Variants in HERC3 observed in about 807,000 individuals in gnomAD.
The protein encoded by HERC3 is probable E3 ubiquitin-protein ligase HERC3.
Under a neutral mutation model 129.9 loss-of-function variants are expected in HERC3, and 58 were observed. That is an observed-to-expected ratio of 0.45 (90% CI 0.36 to 0.56). HERC3 has a LOEUF of 0.56. Ranked by LOEUF, HERC3 falls within the 20% of genes least tolerant of loss-of-function variation. The probability of loss-of-function intolerance (pLI) is 0.00; values close to 1 mark genes in which losing one functional copy is unlikely to be tolerated. For missense variants in HERC3, 835 were observed against 1,244.2 expected (o/e 0.67, Z 4.95); for synonymous variants, 430 against 451.0 (o/e 0.95, Z 0.59).
the HERC3 span, among the ~76,000 whole-genome samples, chr4:88,577,887 A>C: frequency 6.6e-6 from 1 of 152,140 alleles, no homozygotes; most frequent in African/African-American, 2.4e-5. Flanking sequence ...GCTTCAAATG[A>C]CTTTAGAGAT....
At chr4:88,621,314 C>T (rs1465898321) in intron 3 of HERC3, among the ~76,000 whole-genome samples, 1 of 152,154 alleles carries the variant, frequency 6.6e-6, no homozygotes, top group African/African-American at 2.4e-5. Flanking sequence ...GCCATGTTGG[C>T]CAGGCTGGTC....
At chr4:88,696,889 TCTTTA>T (rs1157774792) in intron 23 of HERC3, 1 of 287,612 alleles carries the variant, frequency 3.5e-6, no homozygotes, top group Non-Finnish European at 6.3e-6. Context: ...AAAGTGACGT[TCTTTA>T]CTTCGCATCT....
chr4:88,694,786 C>T (rs1734427510), intron 23 of HERC3, among the ~76,000 whole-genome samples: 1 of 152,134 alleles, frequency 6.6e-6, no homozygotes, highest in African/African-American at 2.4e-5. Context: ...AGGTCATACA[C>T]ATTTCTTATT....
Position 88,598,612 on chromosome 4 carries a change from A to G in HERC3, c.-30+2998A>G, listed in dbSNP as rs1489124259. Among the ~76,000 whole-genome samples the G allele has an allele frequency of 2.6e-5, 4 of 152,228 alleles. No homozygotes were observed. The East Asian group carries it at 7.7e-4, about 29-fold the overall frequency. ...AGCTGACATTTACTGGTCACTTACT[A>G]CTACATGCCAGGCACCATGCTAAGC... On this transcript the variant is annotated intron_variant, in intron 2 of 25. Transcript: ENST00000402738.
the HERC3 span, among the ~76,000 whole-genome samples, chr4:88,559,596 G>T: frequency 1.3e-4 from 20 of 152,234 alleles, no homozygotes; most frequent in African/African-American, 4.6e-4. Context: ...TCTCATCCAC[G>T]TTTTAACAAA....
At chr4:88,560,686 C>T in the HERC3 span, among the ~76,000 whole-genome samples, 1 of 152,074 alleles carries the variant, frequency 6.6e-6, no homozygotes, top group Non-Finnish European at 1.5e-5. Context: ...AGCTTTTTCT[C>T]TATGTTCTCA....
chr4:88,668,194 C>A, intron 14 of HERC3, 113 bp downstream of exon 14: 1 of 820,454 alleles, frequency 1.2e-6, no homozygotes, highest in Non-Finnish European at 2.0e-6. Flanking sequence ...ATTTAATATC[C>A]TTAACACTTA....
intron 20 of HERC3, 121 bp from the exon 21 acceptor site, chr4:88,681,038 A>G (rs1164297023): frequency 4.8e-6 from 7 of 1,451,880 alleles, no homozygotes; most frequent in Non-Finnish European, 6.3e-6. Flanking sequence ...ACAGAAGGTA[A>G]CTAAATATTA....
chr4:88,586,929 A>G, the HERC3 span, among the ~76,000 whole-genome samples: 2 of 152,342 alleles, frequency 1.3e-5, no homozygotes, highest in South Asian at 4.1e-4. Context: ...TAAAAATGCA[A>G]GCAATAAGAT....
chr4:88,656,060 T>C (rs765262466), intron 9 of HERC3, 25 bp downstream of exon 9: 2 of 1,610,450 alleles, frequency 1.2e-6, no homozygotes, highest in South Asian at 1.1e-5. Context: ...CTCTGGAATT[T>C]AAAGGTATTT....
chr4:88,676,120 A>G, intron 16 of HERC3, 98 bp from the exon 17 acceptor site: 2 of 873,136 alleles, frequency 2.3e-6, no homozygotes, highest in Non-Finnish European at 3.6e-6. Context: ...CAGTAGTCAG[A>G]TTGGTTCTGT....
the HERC3 span, among the ~76,000 whole-genome samples, chr4:88,567,625 G>A: frequency 6.6e-6 from 1 of 152,218 alleles, no homozygotes; most frequent in East Asian, 1.9e-4. Context: ...TCCAGAATTT[G>A]TGCTTAGGTT....
chr4:88,561,138 G>A, the HERC3 span, among the ~76,000 whole-genome samples: 1 of 152,040 alleles, frequency 6.6e-6, no homozygotes, highest in East Asian at 1.9e-4. Context: ...TTGGGATTTT[G>A]ATAGGGATTG....
chr4:88,633,111 C>T (rs531444700), intron 3 of HERC3, among the ~76,000 whole-genome samples: 1 of 152,288 alleles, frequency 6.6e-6, no homozygotes, highest in East Asian at 1.9e-4. Flanking sequence ...GAATTGTAAA[C>T]TTAGAATTCT....
intron 25 of HERC3, among the ~76,000 whole-genome samples, chr4:88,705,508 GTC>G (rs1457455515): frequency 6.6e-6 from 1 of 152,176 alleles, no homozygotes; most frequent in East Asian, 1.9e-4. Flanking sequence ...CAGTCTTTCT[GTC>G]TCTATGGATT....
the HERC3 span, among the ~76,000 whole-genome samples, chr4:88,554,916 T>C: frequency 1.3e-5 from 2 of 152,222 alleles, no homozygotes; most frequent in Non-Finnish European, 2.9e-5. Flanking sequence ...TGCTAATGTT[T>C]ACGGAGAGTC....
chr4:88,600,286 T>A (rs1329402346), intron 2 of HERC3, among the ~76,000 whole-genome samples: 2 of 152,220 alleles, frequency 1.3e-5, no homozygotes, highest in African/African-American at 4.8e-5. Flanking sequence ...TATAGTTAGG[T>A]TCTGTAAAGT....
chr4:88,634,333 C>T (rs1436571382), intron 3 of HERC3, among the ~76,000 whole-genome samples: 1 of 152,214 alleles, frequency 6.6e-6, no homozygotes, highest in Admixed American at 6.5e-5. Context: ...GCCAAATCCC[C>T]AGGGGAAGGG....
the HERC3 span, among the ~76,000 whole-genome samples, chr4:88,533,931 G>A: frequency 1.3e-5 from 2 of 151,896 alleles, no homozygotes; most frequent in African/African-American, 2.4e-5. Context: ...CTATCACCCA[G>A]GTTTCTTAGC....
Sources: gnomAD v4.1 joint callset for allele counts (sites outside exome capture counted in the v4.1 genomes callset) on GRCh38, gnomAD v4.1.1 for gene constraint, MANE v1.5 for transcripts, NCBI Gene and HGNC (gene_info 2026-07-23, HGNC 2026-07-21) for gene names.